Variants in LGSN observed in about 807,000 individuals in gnomAD.
The protein encoded by LGSN is lengsin, lens protein with glutamine synthetase domain, also known as lengsin.
Under a neutral mutation model 19.5 loss-of-function variants are expected in LGSN, and 21 were observed. The observed-to-expected ratio is 1.07, with a 90% CI of 0.76 to 1.55. The LOEUF is 1.55. Ranked by LOEUF, LGSN falls within the 40% of genes most tolerant of loss-of-function variation. The pLI is 0.00. For missense variants in LGSN, 673 were observed against 608.5 expected, an observed-to-expected ratio of 1.11 and a Z score of -1.12; for synonymous variants, 257 against 215.6, an observed-to-expected ratio of 1.19 and a Z score of -1.68.
the LGSN span, among the ~76,000 whole-genome samples, chr6:63,466,541 A>G: frequency 6.6e-6 from 1 of 152,204 alleles, no homozygotes; most frequent in Non-Finnish European, 1.5e-5. Context: ...GTCAGCAATA[A>G]TCCAAGAGTT....
At chr6:63,451,867 T>C in the LGSN span, among the ~76,000 whole-genome samples, 1 of 152,172 alleles carries the variant, frequency 6.6e-6, no homozygotes, top group Admixed American at 6.5e-5. Flanking sequence ...TTTTGATGGA[T>C]TTAAAATTTT....
At chr6:63,402,262 G>A in the LGSN span, among the ~76,000 whole-genome samples, 1 of 152,172 alleles carries the variant, frequency 6.6e-6, no homozygotes, top group African/African-American at 2.4e-5. Flanking sequence ...CTCCAGTGGT[G>A]TTCAGATAGC....
upstream of LGSN, among the ~76,000 whole-genome samples, chr6:63,324,541 T>A (rs902034036): frequency 2.0e-5 from 3 of 152,144 alleles, no homozygotes; most frequent in Non-Finnish European, 4.4e-5. Context: ...AACAAACTTT[T>A]AAAAATTAAA....
Position 63,285,569 on chromosome 6 carries a change from C to T in LGSN, c.330+18G>A, listed in dbSNP as rs780572645. ...ATGGTCATGAAATTACATTTAGTCA[C>T]AACTGTGTAAAACTCACTTGAAAAA... On this transcript the variant is annotated intron_variant, in intron 3 of 3. Coordinates refer to ENST00000370657, the MANE Select transcript of LGSN (RefSeq NM_016571.3). 3.8e-6 allele frequency: 6 copies of T among 1,595,526 alleles called. No homozygotes were observed. Among genetic ancestry groups the T allele is most frequent in the Non-Finnish European group, 5.1e-6 (6 of 1,167,516 alleles).
chr6:63,348,687 T>C, the LGSN span, among the ~76,000 whole-genome samples: 2 of 152,066 alleles, frequency 1.3e-5, no homozygotes, highest in Non-Finnish European at 2.9e-5. Flanking sequence ...GGAGCATTAT[T>C]TAGTATCTTA....
chr6:63,294,527 T>C (rs1767901077), intron 2 of LGSN, among the ~76,000 whole-genome samples: 1 of 152,076 alleles, frequency 6.6e-6, no homozygotes, highest in Non-Finnish European at 1.5e-5. Context: ...TGAAATCTAG[T>C]TGGAGTTCCA....
the LGSN span, among the ~76,000 whole-genome samples, chr6:63,393,321 T>A: frequency 6.6e-6 from 1 of 151,808 alleles, no homozygotes; most frequent in Non-Finnish European, 1.5e-5. Flanking sequence ...AGATTACAGG[T>A]GTGTGCCACA....
chr6:63,573,501 GA>G, the LGSN span: 1 of 152,226 alleles, frequency 6.6e-6, no homozygotes, highest in Admixed American at 6.5e-5. Flanking sequence ...GCGGCGCGGA[GA>G]GGGGGCGCAG....
chr6:63,441,312 T>C, the LGSN span: 1 of 469,224 alleles, frequency 2.1e-6, no homozygotes, highest in Non-Finnish European at 4.3e-6. Flanking sequence ...ACCAGCAGAC[T>C]TGGGCCGTTT....
chr6:63,346,559 T>C, the LGSN span, among the ~76,000 whole-genome samples: 8 of 152,120 alleles, frequency 5.3e-5, no homozygotes, highest in Non-Finnish European at 1.2e-4. Context: ...AAAAGTAAAG[T>C]GCTTTCCTGA....
At chr6:63,540,859 C>T in the LGSN span, among the ~76,000 whole-genome samples, 1 of 151,094 alleles carries the variant, frequency 6.6e-6, no homozygotes, top group African/African-American at 2.4e-5. Context: ...AAAAAATAGC[C>T]GGTCTTGGTG....
At chr6:63,495,469 T>TTTTTTTTTTTTTTTTTTTTTG in the LGSN span, among the ~76,000 whole-genome samples, 569 of 119,252 alleles carry the variant, frequency 4.8e-3, no homozygotes, top group Non-Finnish European at 6.0e-3. Flanking sequence ...TTTTTTTTTT[T>TTTTTTTTTTTTTTTTTTTTTG]TTTTTTTGAG....
the LGSN span, among the ~76,000 whole-genome samples, chr6:63,328,226 C>G: frequency 3.9e-5 from 6 of 152,122 alleles, no homozygotes; most frequent in Non-Finnish European, 7.4e-5. Context: ...AAATGAACTT[C>G]CATTGGTATA....
At chr6:63,408,625 G>A in the LGSN span, among the ~76,000 whole-genome samples, 1 of 150,520 alleles carries the variant, frequency 6.6e-6, no homozygotes, top group Non-Finnish European at 1.5e-5. Flanking sequence ...CATGGGCAAG[G>A]ACTTCATGTC....
At chr6:63,479,387 C>T in the LGSN span, among the ~76,000 whole-genome samples, 3 of 131,412 alleles carry the variant, frequency 2.3e-5, no homozygotes, top group Admixed American at 8.0e-5. Context: ...GGTACAGTAA[C>T]AACTTCTTTT....
At chr6:63,437,477 T>G in the LGSN span, among the ~76,000 whole-genome samples, 1 of 152,304 alleles carries the variant, frequency 6.6e-6, no homozygotes, top group Non-Finnish European at 1.5e-5. Flanking sequence ...GATGGGCCAC[T>G]GTGCCGGCCT....
the LGSN span, among the ~76,000 whole-genome samples, chr6:63,367,988 G>C: frequency 6.6e-6 from 1 of 151,750 alleles, no homozygotes; most frequent in African/African-American, 2.4e-5. Flanking sequence ...TAAACCTAAT[G>C]TAAATGACGA....
the LGSN span, among the ~76,000 whole-genome samples, chr6:63,485,692 A>T: frequency 6.6e-6 from 1 of 152,220 alleles, no homozygotes; most frequent in East Asian, 1.9e-4. Context: ...CCTCTCCAGC[A>T]TCTGTTATTT....
At chr6:63,526,701 C>T in the LGSN span, among the ~76,000 whole-genome samples, 2,860 of 150,176 alleles carry the variant, frequency 0.019, 46 homozygotes, top group Middle Eastern at 0.038. Flanking sequence ...TCAGCTACTC[C>T]GGAGGCTGCA....
Sources: allele counts gnomAD v4.1 joint callset (sites outside exome capture counted in the v4.1 genomes callset), GRCh38; gene constraint gnomAD v4.1.1; transcripts MANE v1.5; gene names NCBI Gene and HGNC (gene_info 2026-07-23, HGNC 2026-07-21).